The following CCDC73 variants were observed in gnomAD, a reference collection of about 807,000 sequenced individuals.
CCDC73 encodes coiled-coil domain-containing protein 73.
CCDC73 carries 95 observed loss-of-function variants against 116.5 expected under a neutral mutation model. The observed-to-expected ratio is 0.82, with a 90% CI of 0.69 to 0.97. The LOEUF is 0.97. Ranked by LOEUF, CCDC73 falls within the 50% of genes least tolerant of loss-of-function variation. The pLI, the probability that CCDC73 is intolerant of heterozygous loss-of-function variation, is 0.00. For synonymous variants in CCDC73, 398 were observed against 401.3 expected, an observed-to-expected ratio of 0.99 and a Z score of 0.10; for missense variants, 1,066 against 1,206.8, an observed-to-expected ratio of 0.88 and a Z score of 1.73.
chr11:32,641,019 C>T (rs556689594), intron 13 of CCDC73, among the ~76,000 whole-genome samples: 1 of 72,480 alleles, frequency 1.4e-5, no homozygotes, highest in South Asian at 4.4e-4. Context: ...CTGTCCCCCA[C>T]CAAAAAAAAA....
chr11:32,608,072 T>A (rs373971336), intron 17 of CCDC73, among the ~76,000 whole-genome samples: 20 of 152,244 alleles, frequency 1.3e-4, no homozygotes, highest in Middle Eastern at 3.4e-3. Context: ...CCACAACACG[T>A]GGGAATTGTG....
At chr11:32,728,675 A>G (rs1850049527) in intron 2 of CCDC73, among the ~76,000 whole-genome samples, 1 of 151,996 alleles carries the variant, frequency 6.6e-6, no homozygotes, top group Non-Finnish European at 1.5e-5. Flanking sequence ...CCATGAATTC[A>G]TACTGATATT....
chr11:32,654,931 G>A lies in CCDC73; in HGVS notation c.687C>T (p.Val229=). Reference sequence around the variant, plus strand: ...CTTCTCCCATCTTATATTGACATGTGACTTTGGACTTTATCAAGTCTGAGG... The same window carrying A: ...CTTCTCCCATCTTATATTGACATGTAACTTTGGACTTTATCAAGTCTGAGG... ...KAASDLIKSK[V]TCQYKMGEEN... Residue 229 remains valine (V), a synonymous_variant, in exon 10 of 18, where the codon GTC becomes GTT. Transcript: ENST00000335185. The A allele has an allele frequency of 2.5e-6, 4 of 1,601,698 alleles. No homozygotes were observed. The highest frequency in any genetic ancestry group is 3.4e-6 in the Non-Finnish European group (4 of 1,176,546).
chr11:32,712,695 GTC>G (rs1000224754), intron 3 of CCDC73, among the ~76,000 whole-genome samples: 3 of 151,762 alleles, frequency 2.0e-5, no homozygotes, highest in Non-Finnish European at 4.4e-5. Flanking sequence ...TTGCCAATAA[GTC>G]TGTCATATAA....
At chr11:32,824,831 C>T in the CCDC73 span, among the ~76,000 whole-genome samples, 1 of 152,230 alleles carries the variant, frequency 6.6e-6, no homozygotes, top group African/African-American at 2.4e-5. Flanking sequence ...TGCCTGTAAT[C>T]CCAGCACTTT....
rs1485018084 is a variant in CCDC73 at position 32,602,944 on chromosome 11, C to T, written c.3107G>A (p.Gly1036Asp). 6.2e-7 allele frequency: 1 copy of T among 1,613,468 alleles called. No individual in the cohort carries two copies. Among genetic ancestry groups the T allele is most frequent in the Non-Finnish European group, 8.5e-7 (1 of 1,179,706 alleles). Reference protein sequence around the residue: ...QAIKTTKNTSGDDDWQSLITN... With the variant: ...QAIKTTKNTSDDDDWQSLITN... Reference sequence around the variant, plus strand: ...AATGAGGCTCTGCCAGTCATCATCACCAGAAGTATTTTTAGTCGTCTTGAT... The same window carrying T: ...AATGAGGCTCTGCCAGTCATCATCATCAGAAGTATTTTTAGTCGTCTTGAT... Residue 1036 changes from glycine to aspartate, a missense_variant, in exon 18 of 18, where the codon GGT becomes GAT. Transcript: ENST00000335185.
chr11:32,728,700 GTTTGTTTTGT>G (rs199771218), intron 2 of CCDC73, among the ~76,000 whole-genome samples: 8 of 149,468 alleles, frequency 5.4e-5, no homozygotes, highest in Non-Finnish European at 1.1e-4. Flanking sequence ...ATTCTGTTTT[GTTTGTTTTGT>G]TTTGTTTTGT....
chr11:32,771,508 T>C (rs973345250), intron 1 of CCDC73, among the ~76,000 whole-genome samples: 4 of 152,198 alleles, frequency 2.6e-5, no homozygotes, highest in Non-Finnish European at 4.4e-5. Flanking sequence ...AATGAAAGCA[T>C]CTACTGTGAT....
At chr11:32,660,585 G>C (rs1360963391) in intron 9 of CCDC73, among the ~76,000 whole-genome samples, 5 of 152,082 alleles carry the variant, frequency 3.3e-5, no homozygotes, top group African/African-American at 4.8e-5. Flanking sequence ...AGCACTTTGG[G>C]AGGCTGAGGC....
intron 2 of CCDC73, among the ~76,000 whole-genome samples, chr11:32,728,760 A>G (rs546930654): frequency 1.6e-3 from 248 of 152,170 alleles, no homozygotes; most frequent in African/African-American, 5.7e-3. Context: ...GCTGGAGTGC[A>G]GTGGTGTGAT....
chr11:32,752,361 T>C (rs1850294026), intron 2 of CCDC73, among the ~76,000 whole-genome samples: 1 of 152,200 alleles, frequency 6.6e-6, no homozygotes, highest in Admixed American at 6.5e-5. Flanking sequence ...GTATAGTAAA[T>C]ATCACTGTAG....
chr11:32,815,633 G>A, the CCDC73 span, among the ~76,000 whole-genome samples: 1 of 152,224 alleles, frequency 6.6e-6, no homozygotes, highest in South Asian at 2.1e-4. Context: ...TTAAAACTGT[G>A]TGTTATGTTT....
chr11:32,757,189 C>CA (rs939248714), intron 2 of CCDC73, among the ~76,000 whole-genome samples: 6 of 151,002 alleles, frequency 4.0e-5, no homozygotes, highest in Admixed American at 6.6e-5. Context: ...AAAACTTGCA[C>CA]AAAAAAAATA....
At chr11:32,731,905 C>T (rs189034419) in intron 2 of CCDC73, among the ~76,000 whole-genome samples, 19 of 152,226 alleles carry the variant, frequency 1.2e-4, no homozygotes, top group East Asian at 5.8e-4. Flanking sequence ...CAAAGCTGGA[C>T]GGAGAATGAC....
intron 2 of CCDC73, among the ~76,000 whole-genome samples, chr11:32,750,769 T>C (rs1465131497): frequency 6.6e-6 from 1 of 152,116 alleles, no homozygotes; most frequent in South Asian, 2.1e-4. Flanking sequence ...ATGCCTGGAA[T>C]TGGGAACCCC....
the CCDC73 span, among the ~76,000 whole-genome samples, chr11:32,830,330 C>T: frequency 3.3e-5 from 5 of 152,240 alleles, no homozygotes; most frequent in Non-Finnish European, 7.3e-5. Flanking sequence ...GCGTTTGTCC[C>T]AGGCGCTCTC....
At chr11:32,732,982 TAAAG>T (rs1565087673) in intron 2 of CCDC73, among the ~76,000 whole-genome samples, 1 of 152,040 alleles carries the variant, frequency 6.6e-6, no homozygotes, top group Non-Finnish European at 1.5e-5. Flanking sequence ...GCAAATTGGA[TAAAG>T]AGTCAAGAAC....
At chr11:32,707,987 A>C (rs1436104625) in intron 3 of CCDC73, among the ~76,000 whole-genome samples, 3 of 152,120 alleles carry the variant, frequency 2.0e-5, no homozygotes, top group Non-Finnish European at 4.4e-5. Context: ...CAATGTCTAG[A>C]AGGGTTTTTC....
At chr11:32,611,066 A>G in intron 17 of CCDC73, 66 bp downstream of exon 17, 2 of 1,507,406 alleles carry the variant, frequency 1.3e-6, no homozygotes, top group Non-Finnish European at 1.8e-6. Flanking sequence ...AGATGCGTAC[A>G]GTTCTACACA....
Sources: gnomAD v4.1 joint callset for allele counts (sites outside exome capture counted in the v4.1 genomes callset) on GRCh38, gnomAD v4.1.1 for gene constraint, MANE v1.5 for transcripts, NCBI Gene and HGNC (gene_info 2026-07-23, HGNC 2026-07-21) for gene names.